DSCAM: variants seen among roughly 807,000 people sequenced by gnomAD.
DSCAM encodes cell adhesion molecule DSCAM.
A neutral mutation model predicts 217.7 loss-of-function variants in DSCAM; 47 were observed. The observed-to-expected ratio is 0.22, with a 90% CI of 0.17 to 0.28. DSCAM has a LOEUF of 0.28. DSCAM is among the 10% of genes least tolerant of loss of function. The pLI is 1.00. For missense variants in DSCAM, 2,080 were observed against 2,618.3 expected, an observed-to-expected ratio of 0.79 and a Z score of 4.49; for synonymous variants, 1,056 against 1,015.3, an observed-to-expected ratio of 1.04 and a Z score of -0.76.
At chr21:40,156,963 C>G (rs542197002) in intron 16 of DSCAM, among the ~76,000 whole-genome samples, 2 of 152,104 alleles carry the variant, frequency 1.3e-5, no homozygotes, top group Admixed American at 1.3e-4. Flanking sequence ...GGCTCCCTCT[C>G]GAGAGATCAT....
chr21:40,496,194 A>G (rs560084564), intron 3 of DSCAM, among the ~76,000 whole-genome samples: 38 of 152,312 alleles, frequency 2.5e-4, no homozygotes, highest in African/African-American at 6.3e-4. Context: ...ATGAAACCCC[A>G]TAAGACCCCC....
At chr21:40,772,081 C>G (rs2091450011) in intron 1 of DSCAM, among the ~76,000 whole-genome samples, 1 of 152,146 alleles carries the variant, frequency 6.6e-6, no homozygotes, top group Non-Finnish European at 1.5e-5. Flanking sequence ...ATAATAAGGG[C>G]TGATAAAATG....
At chr21:40,528,523 G>A in intron 3 of DSCAM, among the ~76,000 whole-genome samples, 1 of 152,180 alleles carries the variant, frequency 6.6e-6, no homozygotes, top group East Asian at 1.9e-4. Flanking sequence ...ACTGGATATT[G>A]CTCTTCCTTG....
chr21:40,673,411 T>C (rs1429461113), intron 3 of DSCAM, among the ~76,000 whole-genome samples: 2 of 152,246 alleles, frequency 1.3e-5, no homozygotes, highest in African/African-American at 2.4e-5. Context: ...TTTGGTCCTA[T>C]GAAAACATCT....
chr21:40,656,490 A>C (rs756912903), intron 3 of DSCAM, among the ~76,000 whole-genome samples: 10 of 151,892 alleles, frequency 6.6e-5, no homozygotes, highest in Admixed American at 1.3e-4. Context: ...TGACAAGAAA[A>C]AAGCTTAAAT....
intron 10 of DSCAM, among the ~76,000 whole-genome samples, chr21:40,291,544 T>C (rs1252536576): frequency 2.0e-5 from 3 of 152,170 alleles, no homozygotes; most frequent in African/African-American, 4.8e-5. Context: ...AGCTGTAATG[T>C]CCTCCTTGGT....
intron 26 of DSCAM, among the ~76,000 whole-genome samples, chr21:40,076,656 A>G (rs1414119221): frequency 1.3e-5 from 2 of 152,244 alleles, no homozygotes; most frequent in Non-Finnish European, 2.9e-5. Context: ...TTAGAAGACA[A>G]ACATTTAAAA....
At chr21:40,512,799 G>A (rs545819089) in intron 3 of DSCAM, among the ~76,000 whole-genome samples, 57 of 151,760 alleles carry the variant, frequency 3.8e-4, no homozygotes, top group Non-Finnish European at 7.1e-4. Flanking sequence ...GCACAACTGC[G>A]TCCCTAGTGG....
chr21:40,765,119 G>GT (rs1204728992), intron 1 of DSCAM, among the ~76,000 whole-genome samples: 1 of 151,590 alleles, frequency 6.6e-6, no homozygotes, highest in African/African-American at 2.4e-5. Context: ...AAAAGAACTT[G>GT]TCAGAAAGTT....
At chr21:40,727,356 A>C (rs1292572832) in intron 1 of DSCAM, among the ~76,000 whole-genome samples, 2 of 152,160 alleles carry the variant, frequency 1.3e-5, no homozygotes, top group African/African-American at 4.8e-5. Flanking sequence ...CTTCCTCCTC[A>C]TGTATGTGAT....
chr21:40,638,967 C>T (rs2089842804), intron 3 of DSCAM, among the ~76,000 whole-genome samples: 1 of 152,090 alleles, frequency 6.6e-6, no homozygotes, highest in African/African-American at 2.4e-5. Context: ...ATGATATCAA[C>T]ATTCTCAAGA....
chr21:40,683,768 C>A (rs1040384222), intron 3 of DSCAM, among the ~76,000 whole-genome samples: 1 of 152,038 alleles, frequency 6.6e-6, no homozygotes, highest in Non-Finnish European at 1.5e-5. Flanking sequence ...TGTTCTCAGC[C>A]CCTGCAGAGT....
intron 16 of DSCAM, among the ~76,000 whole-genome samples, chr21:40,164,170 A>G (rs890841466): frequency 6.6e-6 from 1 of 152,202 alleles, no homozygotes; most frequent in Non-Finnish European, 1.5e-5. Flanking sequence ...CATCGCCAAG[A>G]GCAATGGGTA....
In DSCAM at chr21:40,620,036, GAA is replaced by G. The variant is rs1339660508; in HGVS notation, c.508+72772_508+72773del. On this transcript the variant is annotated intron_variant, in intron 3 of 32. Coordinates refer to ENST00000400454, the MANE Select transcript of DSCAM (RefSeq NM_001389.5). The stretch of plus-strand genomic sequence containing the variant: ...AAAGAAAAAGAAAGAAAGAGAGAGA[GAA>G]AGAGAGAGAAAAAAGAAAAAGAAAG... 5.3e-4 allele frequency among the ~76,000 whole-genome samples: 53 copies of G among 100,794 alleles called. 1 individual carries two copies. The highest frequency in any genetic ancestry group is 9.5e-4 in the Non-Finnish European group (47 of 49,544). 66.1% of individuals were successfully genotyped at this position (100,794 alleles called of 152,430 possible).
At chr21:40,759,972 T>C (rs2091314573) in intron 1 of DSCAM, among the ~76,000 whole-genome samples, 1 of 109,284 alleles carries the variant, frequency 9.2e-6, no homozygotes, top group Non-Finnish European at 1.7e-5. Flanking sequence ...TATTTATTTA[T>C]TTATTTATTT....
At chr21:40,659,418 T>A (rs1183747739) in intron 3 of DSCAM, among the ~76,000 whole-genome samples, 1 of 152,018 alleles carries the variant, frequency 6.6e-6, no homozygotes, top group Non-Finnish European at 1.5e-5. Context: ...TCTATCACTC[T>A]AGTTATCTAT....
chr21:40,340,615 G>T (rs1384388267), intron 6 of DSCAM, among the ~76,000 whole-genome samples: 2 of 152,144 alleles, frequency 1.3e-5, no homozygotes, highest in Non-Finnish European at 2.9e-5. Flanking sequence ...TGCTGGAGGG[G>T]ACATCTTTTG....
chr21:40,498,989 G>A (rs999022516), intron 3 of DSCAM, among the ~76,000 whole-genome samples: 2 of 151,198 alleles, frequency 1.3e-5, no homozygotes, highest in East Asian at 2.0e-4. Flanking sequence ...AATGTAATAC[G>A]CAGCTCATTC....
At chr21:40,390,997 C>T (rs374868569) in intron 3 of DSCAM, among the ~76,000 whole-genome samples, 1 of 152,138 alleles carries the variant, frequency 6.6e-6, no homozygotes, top group East Asian at 1.9e-4. Flanking sequence ...AAAACTGTAT[C>T]TATGGTTCTT....
Sources: allele counts gnomAD v4.1 joint callset (sites outside exome capture counted in the v4.1 genomes callset), GRCh38; gene constraint gnomAD v4.1.1; transcripts MANE v1.5; gene names NCBI Gene and HGNC (gene_info 2026-07-23, HGNC 2026-07-21).